Variants in CSMD1 observed in about 807,000 individuals in gnomAD.
CSMD1 encodes the protein CUB and Sushi multiple domains 1, also known as CUB and sushi domain-containing protein 1.
CSMD1 carries 213 observed loss-of-function variants against 417.5 expected under a neutral mutation model. That is an observed-to-expected ratio of 0.51 (90% CI 0.46 to 0.57). The LOEUF (loss-of-function observed/expected upper bound fraction) is 0.57. CSMD1 is among the 20% of genes least tolerant of loss of function. The pLI is 0.00. For missense variants in CSMD1, 6,923 were observed against 4,529.7 expected (o/e 1.53, Z -15.17); for synonymous variants, 2,862 against 1,736.8 (o/e 1.65, Z -16.11).
At chr8:3,822,280 G>C (rs1033377659) in intron 5 of CSMD1, among the ~76,000 whole-genome samples, 3 of 152,078 alleles carry the variant, frequency 2.0e-5, no homozygotes, top group African/African-American at 4.8e-5. Context: ...ATTTACCCTT[G>C]TAAGAGCTTG....
intron 1 of CSMD1, among the ~76,000 whole-genome samples, chr8:4,845,153 T>A (rs1342551543): frequency 1.3e-5 from 2 of 152,192 alleles, no homozygotes; most frequent in Non-Finnish European, 2.9e-5. Flanking sequence ...TCACTAACAA[T>A]AATCACCTCT....
chr8:4,169,862 G>A (rs902180468), intron 3 of CSMD1, among the ~76,000 whole-genome samples: 1 of 149,668 alleles, frequency 6.7e-6, no homozygotes, highest in East Asian at 1.9e-4. Context: ...TCATCATTTA[G>A]GATACTGTGT....
chr8:3,884,844 T>A (rs956230513), intron 5 of CSMD1, among the ~76,000 whole-genome samples: 11 of 151,600 alleles, frequency 7.3e-5, no homozygotes, highest in African/African-American at 2.7e-4. Flanking sequence ...TCAGTCTGTG[T>A]ATGAAAATGC....
intron 1 of CSMD1, among the ~76,000 whole-genome samples, chr8:4,901,868 C>T (rs1804893650): frequency 6.6e-6 from 1 of 151,030 alleles, no homozygotes; most frequent in South Asian, 2.1e-4. Flanking sequence ...CATATATATA[C>T]ACTTCCCACC....
chr8:3,921,841 G>C (rs1336709485), intron 5 of CSMD1, among the ~76,000 whole-genome samples: 1 of 152,106 alleles, frequency 6.6e-6, no homozygotes, highest in Non-Finnish European at 1.5e-5. Flanking sequence ...GCAAAGCTTA[G>C]AAAAATGTAT....
intron 3 of CSMD1, among the ~76,000 whole-genome samples, chr8:4,389,806 A>G (rs983942350): frequency 2.0e-5 from 3 of 152,102 alleles, no homozygotes; most frequent in African/African-American, 4.8e-5. Flanking sequence ...CCTTACAACT[A>G]CTTTATTTAA....
chr8:4,639,535 T>A (rs1689540811), intron 1 of CSMD1, among the ~76,000 whole-genome samples: 1 of 152,204 alleles, frequency 6.6e-6, no homozygotes, highest in African/African-American at 2.4e-5. Context: ...ACCTTCTTAA[T>A]ATGCCCATTT....
At chr8:2,989,545 C>G (rs534083007) in intron 54 of CSMD1, among the ~76,000 whole-genome samples, 2 of 151,842 alleles carry the variant, frequency 1.3e-5, no homozygotes. Flanking sequence ...TAGGAAAAGG[C>G]AAGAAGTTTA....
At chr8:4,127,319 C>G (rs1802822555) in intron 3 of CSMD1, among the ~76,000 whole-genome samples, 1 of 152,012 alleles carries the variant, frequency 6.6e-6, no homozygotes, top group African/African-American at 2.4e-5. Context: ...TTCTAGACTT[C>G]TTTCTTTCTG....
chr8:4,882,614 A>G (rs936925674), intron 1 of CSMD1, among the ~76,000 whole-genome samples: 1 of 151,968 alleles, frequency 6.6e-6, no homozygotes, highest in Non-Finnish European at 1.5e-5. Flanking sequence ...GCAATGAGGT[A>G]TTCAACTATC....
At chr8:4,596,552 T>TA (rs60852576) in intron 2 of CSMD1, among the ~76,000 whole-genome samples, 21 of 151,132 alleles carry the variant, frequency 1.4e-4, no homozygotes, top group Admixed American at 2.6e-4. Flanking sequence ...TAAGCTTTTC[T>TA]AAAAAAAAAA....
At chr8:3,118,349 A>G (rs370534781) in intron 42 of CSMD1, 50 bp downstream of exon 42, 13 of 1,255,876 alleles carry the variant, frequency 1.0e-5, no homozygotes, top group Non-Finnish European at 1.4e-5. Context: ...TTAATGTGCT[A>G]TTATGCCCAT....
intron 1 of CSMD1, among the ~76,000 whole-genome samples, chr8:4,653,633 G>A (rs887267354): frequency 6.6e-6 from 1 of 152,114 alleles, no homozygotes; most frequent in African/African-American, 2.4e-5. Flanking sequence ...AGAGTCAACT[G>A]CAGCGGGTTC....
intron 37 of CSMD1, among the ~76,000 whole-genome samples, chr8:3,169,239 G>A (rs894178500): frequency 1.3e-5 from 2 of 152,110 alleles, no homozygotes; most frequent in Non-Finnish European, 2.9e-5. Flanking sequence ...TTACATCCTA[G>A]GAGAAACCAG....
chr8:4,181,442 G>T (rs762477388), intron 3 of CSMD1, among the ~76,000 whole-genome samples: 6 of 151,836 alleles, frequency 4.0e-5, no homozygotes, highest in South Asian at 2.1e-4. Flanking sequence ...ATTGGAAAAA[G>T]AACTGTCTTG....
intron 10 of CSMD1, among the ~76,000 whole-genome samples, chr8:3,522,825 G>T (rs568392243): frequency 6.6e-6 from 1 of 150,550 alleles, no homozygotes; most frequent in Non-Finnish European, 1.5e-5. Flanking sequence ...TATTTTATTT[G>T]ACATATAATT....
At chr8:4,076,756 C>T (rs1217442434) in intron 3 of CSMD1, among the ~76,000 whole-genome samples, 1 of 152,150 alleles carries the variant, frequency 6.6e-6, no homozygotes, top group South Asian at 2.1e-4. Context: ...TGGGGAATGA[C>T]CTCACATTTC....
intron 10 of CSMD1, among the ~76,000 whole-genome samples, chr8:3,504,108 C>G (rs1242039097): frequency 6.6e-6 from 1 of 152,016 alleles, no homozygotes; most frequent in Non-Finnish European, 1.5e-5. Flanking sequence ...ATGTCTCCAA[C>G]ACAAAGAAAT....
chr8:4,665,858 TTGAG>T (rs1314036123), intron 1 of CSMD1, among the ~76,000 whole-genome samples: 6 of 152,340 alleles, frequency 3.9e-5, no homozygotes, highest in Non-Finnish European at 7.3e-5. Context: ...TTCATTTATC[TTGAG>T]TAATTACCTA....
Sources: allele counts gnomAD v4.1 joint callset (sites outside exome capture counted in the v4.1 genomes callset), GRCh38; gene constraint gnomAD v4.1.1; transcripts MANE v1.5; gene names NCBI Gene and HGNC (gene_info 2026-07-23, HGNC 2026-07-21).